The following H2BC18 variants were observed in gnomAD, a reference collection of about 807,000 sequenced individuals.
H2BC18 encodes H2B clustered histone 18, also known as histone H2B type 2-F.
Under a neutral mutation model 6.3 loss-of-function variants are expected in H2BC18, and 8 were observed. The observed-to-expected ratio is 1.28, with a 90% CI of 0.75 to 2.31. The LOEUF is 2.31. H2BC18 is among the 30% of genes most tolerant of loss of function. H2BC18 has a pLI of 0.00. For synonymous variants in H2BC18, 104 were observed against 78.1 expected, an observed-to-expected ratio of 1.33 and a Z score of -1.75; for missense variants, 106 against 174.5, an observed-to-expected ratio of 0.61 and a Z score of 2.21.
chr1:149,812,172 G>T lies in H2BC18; in HGVS notation c.152C>A (p.Pro51His). 1.9e-6 allele frequency: 3 copies of T among 1,614,276 alleles called. No homozygotes were observed. Among genetic ancestry groups the T allele is most frequent in the Non-Finnish European group, 2.5e-6 (3 of 1,180,050 alleles). The change falls in exon 1 of 1, where the codon CCC becomes CAC. Residue 51 changes from proline (P) to histidine (H), a missense_variant. This residue lies in a region of H2BC18 where 70 missense variants were observed against 64.6 expected (regional missense o/e 1.08). Transcript: ENST00000369167. ...GGCCTTGGACGAGATGCCGGTGTCG[G>T]GGTGGACCTGCTTCAGCACCTTGTA... Reference protein sequence around the residue: ...YVYKVLKQVHPDTGISSKAMG... With the variant: ...YVYKVLKQVHHDTGISSKAMG...
intron 1 of H2BC18, among the ~76,000 whole-genome samples, chr1:149,799,782 T>C (rs1168646366): frequency 2.6e-5 from 4 of 152,222 alleles, no homozygotes; most frequent in African/African-American, 9.6e-5. Flanking sequence ...TGGAGGAATT[T>C]CTGGCTTATC....
chr1:149,803,752 T>TA (rs2091893603), intron 1 of H2BC18: 1 of 152,252 alleles, frequency 6.6e-6, no homozygotes, highest in African/African-American at 2.4e-5. Flanking sequence ...TAGATTCTTG[T>TA]GTCTCTTTTT....
At position 149,792,733 on chromosome 1, in the gene H2BC18, G is replaced by C. The variant is rs782692674; in HGVS notation, c.378-9473C>G. 26 of 1,283,626 alleles carry C rather than the reference G, an allele frequency of 2.0e-5. 1 individual carries two copies. The South Asian group carries it at 3.0e-4, about 15-fold the overall frequency. The allele number at this position is 1,283,626 out of a possible 1,614,324, so 79.5% of individuals were successfully genotyped here. A position where few individuals can be genotyped will look rare whatever the true frequency, so the allele number is the denominator to read the frequency against. On this transcript the variant is annotated intron_variant, in intron 1 of 1. Coordinates refer to the H2BC18 transcript ENST00000545683. Reference sequence around the variant, plus strand: ...GGCGCGCGCTTCTCCGCAGCTCCGCGCCCCCGCCAAAACCCAGTGAGAAAT... The same window carrying C: ...GGCGCGCGCTTCTCCGCAGCTCCGCCCCCCCGCCAAAACCCAGTGAGAAAT...
At chr1:149,809,281 CTCTAA>C (rs2091950409), downstream of H2BC18, among the ~76,000 whole-genome samples, 1 of 113,884 alleles carries the variant, frequency 8.8e-6, no homozygotes, top group East Asian at 2.3e-4. Flanking sequence ...GAAAGCTCCA[CTCTAA>C]TCTCATCATT....
intron 1 of H2BC18, among the ~76,000 whole-genome samples, chr1:149,785,217 T>G (rs1453589340): frequency 6.6e-6 from 1 of 152,172 alleles, no homozygotes; most frequent in Non-Finnish European, 1.5e-5. Context: ...AAAATGATAA[T>G]GCAAAAGTCA....
intron 1 of H2BC18, among the ~76,000 whole-genome samples, chr1:149,797,062 G>A (rs1168653309): frequency 4.6e-5 from 7 of 152,072 alleles, no homozygotes; most frequent in African/African-American, 1.7e-4. Flanking sequence ...ATAGGCACAC[G>A]CCACCACACC....
At position 149,791,490 on chromosome 1, in the gene H2BC18, C is replaced by T. The variant is rs1553751914; in HGVS notation, c.378-8230G>A. On this transcript the variant is annotated intron_variant, in intron 1 of 1. Coordinates refer to the H2BC18 transcript ENST00000545683. Reference sequence around the variant, plus strand: ...AAGAACAGCTGCAGGAAGGGGTGCACCGGAAGGAGCCCCAGGGGGCCACGT... The same window carrying T: ...AAGAACAGCTGCAGGAAGGGGTGCATCGGAAGGAGCCCCAGGGGGCCACGT... 17 of 1,609,396 alleles carry T rather than the reference C, an allele frequency of 1.1e-5. No individual in the cohort carries two copies. In the South Asian group the frequency reaches 1.7e-4, roughly 16 times the overall value.
rs1325400229 is a variant in H2BC18 at position 149,792,794 on chromosome 1, G to T, written c.378-9534C>A. 7 of 1,279,588 alleles carry T rather than the reference G, an allele frequency of 5.5e-6. No homozygotes were observed. In the Admixed American group the frequency reaches 1.6e-4, roughly 30 times the overall value. The allele number at this position is 1,279,588 out of a possible 1,614,324, so 79.3% of individuals were successfully genotyped here. A position where few individuals can be genotyped will look rare whatever the true frequency, so the allele number is the denominator to read the frequency against. ...CCTGGAGGCTGCAGGAGCGAGAAAT[G>T]AGCTGTAGGAGTCGGTGGGCAGCAA... On this transcript the variant is annotated intron_variant, in intron 1 of 1. Transcript: ENST00000545683.
intron 1 of H2BC18, among the ~76,000 whole-genome samples, chr1:149,800,006 G>T (rs1419273770): frequency 6.6e-6 from 1 of 151,902 alleles, no homozygotes; most frequent in Admixed American, 6.6e-5. Context: ...CTACCAGACT[G>T]CCCCCACTTC....
chr1:149,803,387 A>C (rs782573231), intron 1 of H2BC18, among the ~76,000 whole-genome samples: 88 of 152,232 alleles, frequency 5.8e-4, no homozygotes, highest in Non-Finnish European at 1.2e-3. Flanking sequence ...GGTAATTTGC[A>C]GTTATTGTCC....
At chr1:149,809,451 A>C (rs1553754204), downstream of H2BC18, among the ~76,000 whole-genome samples, 1 of 151,846 alleles carries the variant, frequency 6.6e-6, no homozygotes, top group African/African-American at 2.4e-5. Flanking sequence ...GTAAGAAAAA[A>C]AGTTAGAAAA....
At chr1:149,784,390 A>G in intron 1 of H2BC18, 2 of 1,522,658 alleles carry the variant, frequency 1.3e-6, no homozygotes, top group South Asian at 2.4e-5. Flanking sequence ...TACCAGGTGA[A>G]ACTAAATCAG....
intron 1 of H2BC18, among the ~76,000 whole-genome samples, chr1:149,806,591 T>C (rs2101488643): frequency 6.7e-6 from 1 of 149,114 alleles, no homozygotes; most frequent in Admixed American, 6.7e-5. Flanking sequence ...CGAGACTCCG[T>C]CTCAAAAAAA....
chr1:149,794,357 G>A (rs1263207585), intron 1 of H2BC18, among the ~76,000 whole-genome samples: 1 of 151,620 alleles, frequency 6.6e-6, no homozygotes. Context: ...GGGGAACGGG[G>A]TAGCAAGAAG....
At chr1:149,807,572 G>A (rs1182502716), downstream of H2BC18, among the ~76,000 whole-genome samples, 21 of 147,316 alleles carry the variant, frequency 1.4e-4, no homozygotes, top group African/African-American at 4.0e-4. Flanking sequence ...TTGGGAGGCC[G>A]AGGCAGGCAG....
Position 149,799,451 on chromosome 1 carries a change from T to C in H2BC18, c.377+12496A>G, listed in dbSNP as rs587594606. On this transcript the variant is annotated intron_variant, in intron 1 of 1. Transcript: ENST00000545683. ...TTAATAGGACCTTGCAATCTAAGGA[T>C]GTATGTATGCATTTAGATCCTGTGA... Among the ~76,000 whole-genome samples the C allele has an allele frequency of 8.3e-4, 127 of 152,310 alleles. 1 individual carries two copies. In the Middle Eastern group the frequency reaches 0.014, roughly 16 times the overall value.
intron 1 of H2BC18, among the ~76,000 whole-genome samples, chr1:149,800,176 T>TG (rs2091851028): frequency 6.6e-6 from 1 of 152,094 alleles, no homozygotes; most frequent in African/African-American, 2.4e-5. Context: ...AAAATACAGA[T>TG]GAAAAGATGC....
intron 1 of H2BC18, among the ~76,000 whole-genome samples, chr1:149,796,026 G>A (rs12565626): frequency 2.0e-5 from 3 of 151,664 alleles, no homozygotes; most frequent in African/African-American, 7.3e-5. Flanking sequence ...AGGTCTTTTA[G>A]GTACAGACTT....
chr1:149,805,203 T>A (rs2091906958), intron 1 of H2BC18: 1 of 151,930 alleles, frequency 6.6e-6, no homozygotes, highest in South Asian at 2.1e-4. Flanking sequence ...TTGAAAATGG[T>A]GACAGCAATC....
Sources: allele counts gnomAD v4.1 joint callset (sites outside exome capture counted in the v4.1 genomes callset), GRCh38; gene constraint gnomAD v4.1.1; regional missense constraint gnomAD v4.1.1; transcripts MANE v1.5; gene names NCBI Gene and HGNC (gene_info 2026-07-23, HGNC 2026-07-21).